Variants in TRPM1 observed in about 807,000 individuals in gnomAD.
TRPM1 encodes the protein transient receptor potential cation channel subfamily M member 1, also known as TRPM1-203 APA Isoform, Intron 10.
Under a neutral mutation model 149.4 loss-of-function variants are expected in TRPM1, and 113 were observed. That is an observed-to-expected ratio of 0.76 (90% CI 0.65 to 0.88). The LOEUF (loss-of-function observed/expected upper bound fraction) is 0.88, where lower values mean the gene tolerates loss of function less well. Ranked by LOEUF, TRPM1 falls within the 40% of genes least tolerant of loss-of-function variation. The probability of loss-of-function intolerance (pLI) is 0.00; values close to 1 mark genes in which losing one functional copy is unlikely to be tolerated. For missense variants in TRPM1, 1,976 were observed against 2,038.7 expected (o/e 0.97, Z 0.59); for synonymous variants, 741 against 759.5 (o/e 0.98, Z 0.40).
chr15:31,131,417 T>G (rs2036014436), intron 1 of TRPM1, among the ~76,000 whole-genome samples: 1 of 152,166 alleles, frequency 6.6e-6, no homozygotes, highest in Non-Finnish European at 1.5e-5. Flanking sequence ...GAACGAATCT[T>G]CTATGTGTGA....
intron 1 of TRPM1, among the ~76,000 whole-genome samples, chr15:31,109,428 G>C (rs995773910): frequency 2.6e-5 from 4 of 151,502 alleles, no homozygotes; most frequent in Non-Finnish European, 4.4e-5. Context: ...CAGGTGCAGT[G>C]GCTCACGCCT....
chr15:31,070,443 A>G, intron 3 of TRPM1: 1 of 704,470 alleles, frequency 1.4e-6, no homozygotes, highest in East Asian at 2.7e-5. Flanking sequence ...TTTTAGACAC[A>G]TTGGATGGTT....
In TRPM1 at chr15:31,002,248, C is replaced by T. The variant is rs16956430; in HGVS notation, c.4452G>A (p.Thr1484=). 8,738 of 1,614,188 alleles carry T rather than the reference C, an allele frequency of 5.4e-3. 370 individuals carry two copies. In the African/African-American group the frequency reaches 0.099, roughly 18 times the overall value. The part of the protein sequence containing the change: ...VNQDVEYSSI[T]DQQLTTEWQC... ...GCCATTCCGTCGTCAATTGCTGGTC[C>T]GTGATTGAACTGTACTCTACATCCT... is the stretch of plus-strand genomic sequence containing the variant. Residue 1484 remains threonine, a synonymous_variant, in exon 28 of 28, where the codon ACG becomes ACA. Transcript: ENST00000256552.
At chr15:31,105,415 A>T (rs2035588527), upstream of TRPM1, among the ~76,000 whole-genome samples, 1 of 151,304 alleles carries the variant, frequency 6.6e-6, no homozygotes, top group African/African-American at 2.4e-5. Flanking sequence ...CAGCAGGCGG[A>T]ACTATGAAGC....
intron 4 of TRPM1, chr15:31,069,827 T>G: frequency 6.6e-7 from 1 of 1,520,580 alleles, no homozygotes. Flanking sequence ...GGACACTAGA[T>G]GTTCTTTACA....
At chr15:31,077,823 T>TGA (rs1301096606) in intron 2 of TRPM1, among the ~76,000 whole-genome samples, 4 of 151,852 alleles carry the variant, frequency 2.6e-5, no homozygotes, top group Non-Finnish European at 5.9e-5. Flanking sequence ...TGTGTGTGTG[T>TGA]GATGAGTCTG....
At chr15:31,104,177 T>C (rs537247371), upstream of TRPM1, among the ~76,000 whole-genome samples, 2 of 152,056 alleles carry the variant, frequency 1.3e-5, no homozygotes, top group South Asian at 4.2e-4. Flanking sequence ...CTTCTCCTCA[T>C]GGGGGAGCCA....
intron 15 of TRPM1, among the ~76,000 whole-genome samples, chr15:31,046,447 C>T (rs1261843995): frequency 1.3e-5 from 2 of 152,170 alleles, no homozygotes; most frequent in African/African-American, 4.8e-5. Flanking sequence ...GCTCAGCAGA[C>T]GCGTGGCCCT....
At chr15:31,034,282 T>C (rs2033241182) in intron 21 of TRPM1, among the ~76,000 whole-genome samples, 1 of 152,238 alleles carries the variant, frequency 6.6e-6, no homozygotes, top group African/African-American at 2.4e-5. Flanking sequence ...GAGTCATATG[T>C]GAGATGGTAT....
chr15:31,081,057 T>TC (rs916198786), intron 2 of TRPM1, among the ~76,000 whole-genome samples: 94 of 151,360 alleles, frequency 6.2e-4, no homozygotes, highest in African/African-American at 1.7e-3. Flanking sequence ...GGGCCCCCTG[T>TC]CCCCCCCCTT....
At chr15:31,133,923 G>A (rs1040264212) in intron 1 of TRPM1, among the ~76,000 whole-genome samples, 3 of 152,158 alleles carry the variant, frequency 2.0e-5, no homozygotes, top group African/African-American at 7.2e-5. Flanking sequence ...GCAGTGATAA[G>A]GGCTGGGAGG....
chr15:31,137,635 A>G (rs2036106417), intron 1 of TRPM1, among the ~76,000 whole-genome samples: 1 of 152,160 alleles, frequency 6.6e-6, no homozygotes, highest in African/African-American at 2.4e-5. Flanking sequence ...GAGCTAATAA[A>G]AAGCTAAAAG....
At chr15:31,065,993 T>C in intron 7 of TRPM1, 83 bp downstream of exon 7, 1 of 1,516,046 alleles carries the variant, frequency 6.6e-7, no homozygotes, top group South Asian at 1.2e-5. Flanking sequence ...CTAATCCCCT[T>C]GGGCAATCAA....
chr15:31,067,141 C>A lies in TRPM1; in HGVS notation c.540G>T (p.Lys180Asn), dbSNP rs1346939161. The A allele has an allele frequency of 1.2e-5, 20 of 1,614,010 alleles. No homozygotes were observed. Among genetic ancestry groups the A allele is most frequent in the Non-Finnish European group, 1.6e-5 (19 of 1,180,024 alleles). Residue 180 changes from lysine to asparagine, a missense_variant, in exon 6 of 28, where the codon AAG becomes AAT. By Grantham distance (94) the Lys-to-Asn change is moderately conservative. Coordinates refer to ENST00000256552, the MANE Select transcript of TRPM1 (RefSeq NM_001252024.2). ...CTATAGCACAAACCCGGCCTCTGGACTTGGAGGAGTGGTCTTTCAAGGCAT... is the reference window on the plus strand; with the variant it reads ...CTATAGCACAAACCCGGCCTCTGGAATTGGAGGAGTGGTCTTTCAAGGCAT... Reference protein sequence around the residue: ...VGDALKDHSSKSRGRVCAIGI... With the variant: ...VGDALKDHSSNSRGRVCAIGI...
chr15:31,018,486 G>A (rs2032447468), intron 27 of TRPM1, among the ~76,000 whole-genome samples: 1 of 151,824 alleles, frequency 6.6e-6, no homozygotes, highest in South Asian at 2.1e-4. Context: ...CAATTCTCCT[G>A]CCTCAGCCTC....
chr15:31,084,372 C>T (rs190169020), intron 1 of TRPM1, among the ~76,000 whole-genome samples: 1 of 152,286 alleles, frequency 6.6e-6, no homozygotes, highest in East Asian at 1.9e-4. Context: ...TCCTCCCTGA[C>T]CCTGCCCAGC....
chr15:31,146,532 C>G (rs2036226501), intron 1 of TRPM1, among the ~76,000 whole-genome samples: 1 of 152,174 alleles, frequency 6.6e-6, no homozygotes, highest in Admixed American at 6.5e-5. Flanking sequence ...GAGATAACAG[C>G]CTAATTTACC....
At chr15:31,088,948 T>G (rs187613819) in intron 1 of TRPM1, among the ~76,000 whole-genome samples, 6 of 152,268 alleles carry the variant, frequency 3.9e-5, no homozygotes, top group Admixed American at 3.9e-4. Context: ...TGCTGGCGCC[T>G]CTGTGAGGCA....
intron 11 of TRPM1, among the ~76,000 whole-genome samples, chr15:31,055,233 G>A (rs1036842608): frequency 1.3e-5 from 2 of 152,130 alleles, no homozygotes; most frequent in African/African-American, 2.4e-5. Context: ...AGGACTTTTG[G>A]CTCCAGGTTA....
Sources: allele counts gnomAD v4.1 joint callset (sites outside exome capture counted in the v4.1 genomes callset), GRCh38; gene constraint gnomAD v4.1.1; transcripts MANE v1.5; gene names NCBI Gene and HGNC (gene_info 2026-07-23, HGNC 2026-07-21).